Variants in NAV1 observed in about 807,000 individuals in gnomAD.
NAV1 encodes the protein neuron navigator 1, also known as pore membrane and/or filament interacting like protein 3.
NAV1 carries 18 observed loss-of-function variants against 175.2 expected under a neutral mutation model. That is an observed-to-expected ratio of 0.10 (90% confidence interval 0.07 to 0.15). NAV1 has a LOEUF of 0.15. Ranked by LOEUF, NAV1 falls within the 10% of genes least tolerant of loss-of-function variation. NAV1 has a pLI of 1.00. For synonymous variants in NAV1, 897 were observed against 978.7 expected (o/e 0.92, Z 1.56); for missense variants, 1,731 against 2,436.6 (o/e 0.71, Z 6.10).
chr1:201,804,455 A>C, intron 16 of NAV1, 34 bp from the exon 21 acceptor site: 1 of 1,539,504 alleles, frequency 6.5e-7, no homozygotes. Context: ...TTTTTCCTTC[A>C]AAATGCTGAC....
At chr1:201,628,895 CCTT>C (rs1417620518) in intron 1 of NAV1, among the ~76,000 whole-genome samples, 2 of 152,194 alleles carry the variant, frequency 1.3e-5, no homozygotes, top group Non-Finnish European at 2.9e-5. Context: ...GCCTACTCCT[CCTT>C]CTTTCCTGAC....
At chr1:201,629,535 T>A in intron 2 of NAV1, 28 bp downstream of exon 4, 2 of 1,285,744 alleles carry the variant, frequency 1.6e-6, no homozygotes, top group Non-Finnish European at 2.1e-6. Context: ...GACTTCCTCC[T>A]AGGGTCGGGA....
At chr1:201,649,136 C>G in exon 1 of NAV1, 1 of 1,611,738 alleles carries the variant, frequency 6.2e-7, no homozygotes, top group South Asian at 1.1e-5. Context: ...CGGCGGGCGG[C>G]GCCAAGACCC....
chr1:201,604,274 T>A (rs571286742), intron 2 of NAV1, among the ~76,000 whole-genome samples: 1 of 152,296 alleles, frequency 6.6e-6, no homozygotes, highest in African/African-American at 2.4e-5. Flanking sequence ...CAGGCTGGTC[T>A]CGAATTCCTG....
rs538049328 is a variant in NAV1, at chr1:201,812,864, C to T, written c.5221+203C>T. 4.6e-5 allele frequency among the ~76,000 whole-genome samples: 7 copies of T among 152,300 alleles called. No individual in the cohort carries two copies. The East Asian group carries it at 1.4e-3, about 29-fold the overall frequency. On this transcript the variant is annotated intron_variant, in intron 27 of 29. Transcript: ENST00000367296. The surrounding 1 kb of genome is among the most constrained non-coding windows in gnomAD (Gnocchi z 4.6). ...AATCACCAGAAAGCTAACCCCTCTC[C>T]TTGTTTTTTTCCCACAATTAACAGA...
In NAV1 at chr1:201,810,833, C is replaced by A; in HGVS notation, c.4797+75C>A. The A allele has an allele frequency of 9.0e-7, 1 of 1,115,500 alleles. No individual in the cohort carries two copies. The highest frequency in any genetic ancestry group is 1.3e-6 in the Non-Finnish European group (1 of 760,158). 69.1% of individuals were successfully genotyped at this position (1,115,500 alleles called of 1,614,324 possible). A position where few individuals can be genotyped will look rare whatever the true frequency, so the allele number is the denominator to read the frequency against. ...CCCTAAGACCCTTCCTCGGCCCCTT[C>A]CTGCCTCATTGTTCCCTTTTCCTCA... On this transcript the variant is annotated intron_variant, in intron 24 of 29. Transcript: ENST00000367296. This position sits in a 1 kb window ranked among gnomAD's most constrained non-coding sequence, Gnocchi z 6.0.
intron 3 of NAV1, among the ~76,000 whole-genome samples, chr1:201,749,509 C>G (rs1175108830): frequency 6.6e-6 from 1 of 152,226 alleles, no homozygotes; most frequent in Non-Finnish European, 1.5e-5. Context: ...ACAGGCTGCT[C>G]TCAAATGTGC....
At chr1:201,622,899 C>T, upstream of NAV1, 1 of 986,216 alleles carries the variant, frequency 1.0e-6, no homozygotes, top group Non-Finnish European at 1.2e-6. Context: ...ATGGGATGGC[C>T]AATGTGAATC....
chr1:201,568,115 C>T (rs918919655), intron 1 of NAV1, among the ~76,000 whole-genome samples: 1 of 152,144 alleles, frequency 6.6e-6, no homozygotes, highest in Admixed American at 6.5e-5. Flanking sequence ...GCATCCTGGG[C>T]TGACAATAAA....
At chr1:201,702,089 C>A (rs976797462) in intron 1 of NAV1, among the ~76,000 whole-genome samples, 1 of 152,180 alleles carries the variant, frequency 6.6e-6, no homozygotes, top group African/African-American at 2.4e-5. Context: ...CATGGAGGAA[C>A]CTTGAGAACG....
chr1:201,747,826 T>G (rs923536883), intron 3 of NAV1, among the ~76,000 whole-genome samples: 1 of 152,234 alleles, frequency 6.6e-6, no homozygotes, highest in African/African-American at 2.4e-5. Context: ...TCTTCCTAAA[T>G]TCTAGATAAA....
chr1:201,707,836 G>A (rs1185550380), intron 1 of NAV1, among the ~76,000 whole-genome samples: 2 of 152,226 alleles, frequency 1.3e-5, no homozygotes, highest in African/African-American at 4.8e-5. Flanking sequence ...AGAGTTTTAT[G>A]AGGGTTTCCA....
intron 1 of NAV1, among the ~76,000 whole-genome samples, chr1:201,624,517 T>G (rs1263916441): frequency 6.6e-6 from 1 of 151,714 alleles, no homozygotes; most frequent in Admixed American, 6.6e-5. Context: ...CTAATTTTTT[T>G]TTGTATTTTT....
At chr1:201,642,306 G>A (rs569021167) in intron 2 of NAV1, among the ~76,000 whole-genome samples, 2 of 151,384 alleles carry the variant, frequency 1.3e-5, no homozygotes, top group African/African-American at 4.8e-5. Flanking sequence ...TCCGCCTCCC[G>A]GGTTCACACC....
chr1:201,570,033 C>T (rs1404710294), intron 1 of NAV1, among the ~76,000 whole-genome samples: 1 of 152,164 alleles, frequency 6.6e-6, no homozygotes, highest in African/African-American at 2.4e-5. Context: ...CTGTAAAATA[C>T]CATTTTCATT....
At chr1:201,646,530 G>A (rs1265916627), upstream of NAV1, among the ~76,000 whole-genome samples, 1 of 152,090 alleles carries the variant, frequency 6.6e-6, no homozygotes, top group Non-Finnish European at 1.5e-5. Flanking sequence ...GTTCCTCAAG[G>A]ACAGAATCGC....
chr1:201,594,496 C>A (rs186732393), intron 2 of NAV1, among the ~76,000 whole-genome samples: 1 of 152,184 alleles, frequency 6.6e-6, no homozygotes, highest in Non-Finnish European at 1.5e-5. Flanking sequence ...GAGGCGAAGC[C>A]GGGTTAGTCT....
At chr1:201,556,315 G>A (rs1297132447) in intron 1 of NAV1, among the ~76,000 whole-genome samples, 1 of 152,118 alleles carries the variant, frequency 6.6e-6, no homozygotes, top group African/African-American at 2.4e-5. Flanking sequence ...CTACTCGGGA[G>A]GCTGAGGCAG....
intron 1 of NAV1, among the ~76,000 whole-genome samples, chr1:201,658,277 C>G (rs1475470941): frequency 6.6e-6 from 1 of 152,046 alleles, no homozygotes; most frequent in Non-Finnish European, 1.5e-5. Flanking sequence ...ATAGAAGTGT[C>G]CAGGCTCATT....
Sources: gnomAD v4.1 joint callset for allele counts (sites outside exome capture counted in the v4.1 genomes callset) on GRCh38, gnomAD v4.1.1 for gene constraint, Gnocchi (gnomAD v3.1) non-coding constraint, MANE v1.5 for transcripts, NCBI Gene and HGNC (gene_info 2026-07-23, HGNC 2026-07-21) for gene names.